Variants in ABLIM1 observed in about 807,000 individuals in gnomAD.
The protein encoded by ABLIM1 is actin-binding LIM protein 1.
A neutral mutation model predicts 107.0 loss-of-function variants in ABLIM1; 40 were observed. The ratio of observed to expected loss-of-function variants is 0.37; its 90% CI spans 0.29 to 0.49. ABLIM1 has a LOEUF of 0.49. Among genes scored for constraint, ABLIM1 ranks in the 20% least tolerant of loss-of-function variants. The pLI, the probability that ABLIM1 is intolerant of heterozygous loss-of-function variation, is 0.97. For missense variants in ABLIM1, 857 were observed against 1,008.5 expected (o/e 0.85, Z 2.04); for synonymous variants, 357 against 357.3 (o/e 1.00, Z 0.01).
rs142395117 is a variant in ABLIM1, at chr10:114,521,061, T to A, written c.894+23944A>T. 4.0e-3 allele frequency among the ~76,000 whole-genome samples: 615 copies of A among 152,342 alleles called. 4 individuals are homozygous for A. Among genetic ancestry groups the A allele is most frequent in the African/African-American group, 0.014 (593 of 41,576 alleles). ...ACTGGATTATGAACTGATAGGCTCA[T>A]GTTTATGTTTATAAATAGTATAAAT... On this transcript the variant is annotated intron_variant, in intron 6 of 22. Transcript: ENST00000533213.
chr10:114,738,780 A>AT (rs980485511), intron 1 of ABLIM1, among the ~76,000 whole-genome samples: 2 of 142,658 alleles, frequency 1.4e-5, no homozygotes, highest in Non-Finnish European at 3.0e-5. Context: ...CTGAGGCACG[A>AT]TAAAAAAAAA....
At chr10:114,725,257 G>A (rs1450455932) in intron 1 of ABLIM1, among the ~76,000 whole-genome samples, 1 of 152,136 alleles carries the variant, frequency 6.6e-6, no homozygotes, top group Non-Finnish European at 1.5e-5. Flanking sequence ...GGCCAAAGAT[G>A]TATGTACAAG....
chr10:114,669,832 A>G (rs986552448), intron 1 of ABLIM1, among the ~76,000 whole-genome samples: 40 of 151,274 alleles, frequency 2.6e-4, no homozygotes, highest in African/African-American at 9.7e-4. Context: ...GGATCTGGGG[A>G]TCTGGGGTTA....
chr10:114,554,282 C>A (rs190364030), intron 4 of ABLIM1, among the ~76,000 whole-genome samples: 11 of 152,268 alleles, frequency 7.2e-5, no homozygotes, highest in Non-Finnish European at 8.8e-5. Flanking sequence ...TTGCCGGTCT[C>A]CAATTTGGGT....
At chr10:114,645,708 A>G (rs1364102050) in intron 1 of ABLIM1, among the ~76,000 whole-genome samples, 1 of 152,216 alleles carries the variant, frequency 6.6e-6, no homozygotes, top group Non-Finnish European at 1.5e-5. Context: ...TTGTATGCAC[A>G]CAGACTACGC....
chr10:114,630,261 A>T (rs557529102), intron 1 of ABLIM1, among the ~76,000 whole-genome samples: 1 of 152,328 alleles, frequency 6.6e-6, no homozygotes, highest in African/African-American at 2.4e-5. Context: ...CATATCAGGG[A>T]AACAAACTCA....
intron 1 of ABLIM1, among the ~76,000 whole-genome samples, chr10:114,706,081 T>C (rs1269954700): frequency 6.6e-6 from 1 of 152,204 alleles, no homozygotes; most frequent in African/African-American, 2.4e-5. Context: ...AAGACTACAA[T>C]CCTTCTTGAT....
At chr10:114,530,156 C>A (rs2065296897) in intron 6 of ABLIM1, among the ~76,000 whole-genome samples, 1 of 152,164 alleles carries the variant, frequency 6.6e-6, no homozygotes, top group African/African-American at 2.4e-5. Context: ...GTCATTGAAT[C>A]ATATACTTAA....
At chr10:114,465,333 AGAT>A (rs2064927719) in intron 12 of ABLIM1, 1 of 164,286 alleles carries the variant, frequency 6.1e-6, no homozygotes, top group African/African-American at 2.4e-5. Flanking sequence ...ACTGAATTTT[AGAT>A]GATGTTGGTA....
intron 4 of ABLIM1, among the ~76,000 whole-genome samples, chr10:114,551,496 C>T (rs1035065371): frequency 6.6e-6 from 1 of 152,108 alleles, no homozygotes; most frequent in Non-Finnish European, 1.5e-5. Context: ...AGGACTGGCC[C>T]ATGGCCAATC....
At chr10:114,615,775 G>A (rs1329031223) in intron 1 of ABLIM1, among the ~76,000 whole-genome samples, 2 of 149,312 alleles carry the variant, frequency 1.3e-5, no homozygotes, top group East Asian at 3.9e-4. Flanking sequence ...CCACTCAACC[G>A]ATGACAAAAA....
intron 6 of ABLIM1, among the ~76,000 whole-genome samples, chr10:114,542,187 T>C (rs779650242): frequency 5.3e-5 from 8 of 152,098 alleles, no homozygotes; most frequent in African/African-American, 1.7e-4. Flanking sequence ...GGCAGGAGGA[T>C]TGCCTGAGGC....
intron 7 of ABLIM1, among the ~76,000 whole-genome samples, chr10:114,491,012 G>GTGTATGTATA: frequency 2.2e-5 from 2 of 92,396 alleles, no homozygotes; most frequent in Non-Finnish European, 3.9e-5. Context: ...GTGTGTGTGT[G>GTGTATGTATA]TATATATATA....
At chr10:114,521,515 T>C (rs116890290) in intron 6 of ABLIM1, among the ~76,000 whole-genome samples, 1 of 152,318 alleles carries the variant, frequency 6.6e-6, no homozygotes, top group East Asian at 1.9e-4. Context: ...GATAAGATGG[T>C]TAGTGTAATG....
At chr10:114,697,699 T>C (rs1331609408) in intron 1 of ABLIM1, among the ~76,000 whole-genome samples, 2 of 152,336 alleles carry the variant, frequency 1.3e-5, no homozygotes, top group East Asian at 1.9e-4. Context: ...TGCCCATCAA[T>C]AAATCCATTA....
chr10:114,573,318 G>T (rs1210840598), intron 3 of ABLIM1, among the ~76,000 whole-genome samples: 1 of 152,186 alleles, frequency 6.6e-6, no homozygotes, highest in Non-Finnish European at 1.5e-5. Flanking sequence ...TCAAAGAATT[G>T]CTAAGAGGGT....
the ABLIM1 span, among the ~76,000 whole-genome samples, chr10:114,782,746 T>C: frequency 6.6e-6 from 1 of 152,110 alleles, no homozygotes; most frequent in Non-Finnish European, 1.5e-5. Flanking sequence ...TTGGAGCTGT[T>C]ACAGTAATTG....
At chr10:114,549,460 C>T (rs2067778721) in intron 4 of ABLIM1, among the ~76,000 whole-genome samples, 1 of 152,198 alleles carries the variant, frequency 6.6e-6, no homozygotes, top group South Asian at 2.1e-4. Context: ...CTCCAAACTG[C>T]ACCCAGAGTG....
chr10:114,442,135 G>C (rs2060289031), intron 17 of ABLIM1, among the ~76,000 whole-genome samples: 1 of 152,182 alleles, frequency 6.6e-6, no homozygotes, highest in Non-Finnish European at 1.5e-5. Context: ...TACAGAAGGA[G>C]AAATAGGGGC....
Sources: gnomAD v4.1 joint callset for allele counts (sites outside exome capture counted in the v4.1 genomes callset) on GRCh38, gnomAD v4.1.1 for gene constraint, MANE v1.5 for transcripts, NCBI Gene and HGNC (gene_info 2026-07-23, HGNC 2026-07-21) for gene names.